CELF5: variants seen among roughly 807,000 people sequenced by gnomAD.
CELF5 encodes the protein CUGBP Elav-like family member 5, also known as CUG-BP and ETR-3 like factor 5.
In CELF5, 6 loss-of-function variants were observed where a neutral mutation model predicts 54.9. The observed-to-expected ratio is 0.11, with a 90% CI of 0.06 to 0.22. The LOEUF (loss-of-function observed/expected upper bound fraction) is 0.22, where lower values mean the gene tolerates loss of function less well. CELF5 is among the 10% of genes least tolerant of loss of function. The pLI is 1.00. For missense variants in CELF5, 401 were observed against 678.6 expected (o/e 0.59, Z 4.54); for synonymous variants, 271 against 290.9 (o/e 0.93, Z 0.70).
chr19:3,262,413 C>T (rs1480389618), intron 2 of CELF5, among the ~76,000 whole-genome samples: 4 of 152,236 alleles, frequency 2.6e-5, no homozygotes, highest in South Asian at 2.1e-4. Flanking sequence ...GCTACAATAT[C>T]GGACAGTGCA....
At chr19:3,255,284 A>C (rs2079708699) in intron 2 of CELF5, among the ~76,000 whole-genome samples, 1 of 152,166 alleles carries the variant, frequency 6.6e-6, no homozygotes, top group Non-Finnish European at 1.5e-5. Context: ...TCGCGGGTTC[A>C]AGTGATTCTC....
intron 2 of CELF5, among the ~76,000 whole-genome samples, chr19:3,260,134 T>C (rs1160459814): frequency 6.6e-6 from 1 of 152,232 alleles, no homozygotes; most frequent in Admixed American, 6.5e-5. Context: ...TTTTATTTAT[T>C]GAGACAGAGT....
intron 2 of CELF5, among the ~76,000 whole-genome samples, chr19:3,272,092 G>A (rs1049185287): frequency 2.6e-5 from 4 of 152,224 alleles, no homozygotes; most frequent in African/African-American, 9.6e-5. Context: ...ATTTGGCCGG[G>A]TGCAGGGGCT....
In CELF5 at chr19:3,281,329, G is replaced by A; in HGVS notation, c.734G>A (p.Ser245Asn). 6.2e-7 allele frequency: 1 copy of A among 1,608,980 alleles called. No individual in the cohort carries two copies. Among genetic ancestry groups the A allele is most frequent in the Non-Finnish European group, 8.5e-7 (1 of 1,179,068 alleles). Reference protein sequence around the residue: ...PSLTLPFSPYSAYAQALMQQQ... With the variant: ...PSLTLPFSPYNAYAQALMQQQ... ...CTCACATTGCCCTTCAGCCCCTACA[G>A]TGCCTACGCCCAGGCTGTGAGTGAC... Residue 245 changes from serine to asparagine, a missense_variant, in exon 6 of 13, where the codon AGT becomes AAT. Ser to Asn is a conservative substitution (Grantham distance 46, BLOSUM62 1). Coordinates refer to ENST00000292672, the MANE Select transcript of CELF5 (RefSeq NM_021938.4). The surrounding 1 kb of genome is among the most constrained non-coding windows in gnomAD (Gnocchi z 6.5).
intron 2 of CELF5, among the ~76,000 whole-genome samples, chr19:3,258,024 G>A (rs754704798): frequency 6.7e-6 from 1 of 150,330 alleles, no homozygotes; most frequent in Non-Finnish European, 1.5e-5. Context: ...GCAATGGCAC[G>A]ATCTGTGCTC....
intron 2 of CELF5, among the ~76,000 whole-genome samples, chr19:3,264,953 A>G (rs1173128512): frequency 6.6e-6 from 1 of 152,016 alleles, no homozygotes; most frequent in East Asian, 1.9e-4. Flanking sequence ...ACCTCAAGTG[A>G]TCTGCCTGCC....
chr19:3,241,218 C>T (rs1049222167), intron 1 of CELF5, among the ~76,000 whole-genome samples: 4 of 151,572 alleles, frequency 2.6e-5, no homozygotes, highest in Non-Finnish European at 4.4e-5. Context: ...CGAACCACCA[C>T]GCACAAGCCA....
At chr19:3,233,286 T>A (rs912631295) in intron 1 of CELF5, among the ~76,000 whole-genome samples, 8 of 152,142 alleles carry the variant, frequency 5.3e-5, no homozygotes, top group Middle Eastern at 3.4e-3. Context: ...AAACCCTGTC[T>A]CAAAATTCAA....
intron 2 of CELF5, among the ~76,000 whole-genome samples, chr19:3,271,821 G>A (rs2079970132): frequency 6.6e-6 from 1 of 152,080 alleles, no homozygotes; most frequent in Non-Finnish European, 1.5e-5. Flanking sequence ...TCTTAGAGAA[G>A]GTGTCAGATC....
intron 1 of CELF5, among the ~76,000 whole-genome samples, chr19:3,232,957 C>A (rs1199087383): frequency 1.3e-5 from 2 of 151,864 alleles, no homozygotes; most frequent in Non-Finnish European, 2.9e-5. Context: ...GTCTGTAATC[C>A]CAGCTACTCG....
rs192111564 is a variant in CELF5, at chr19:3,275,077, C to A, written c.395-779C>A. Among the ~76,000 whole-genome samples the A allele has an allele frequency of 8.1e-4, 124 of 152,270 alleles. No homozygotes were observed. The East Asian group carries it at 0.012, about 15-fold the overall frequency. The stretch of plus-strand genomic sequence containing the variant: ...TGCTGGTTTCTCTCTCTCCCTCCCA[C>A]CCCCATGAGTGACAGCTGCCGAGAG... On this transcript the variant is annotated intron_variant, in intron 3 of 12. Transcript: ENST00000292672. The surrounding 1 kb of genome is among the most constrained non-coding windows in gnomAD (Gnocchi z 6.7).
At position 3,275,856 on chromosome 19, in the gene CELF5, G is replaced by A. The variant is rs1385429519; in HGVS notation, c.395G>A (p.Arg132Lys). The A allele has an allele frequency of 6.2e-7, 1 of 1,607,758 alleles. No individual in the cohort carries two copies. Among genetic ancestry groups the A allele is most frequent in the Non-Finnish European group, 8.5e-7 (1 of 1,175,988 alleles). ...CTGAGGTGGGTGTCGCCGCCCACAG[G>A]GGACCGGAAGCTGTTCGTGGGGATG... ...KPADSESRGG[R>K]DRKLFVGMLN... The change falls in exon 4 of 13, where the codon AGG becomes AAG. Residue 132 changes from arginine (R) to lysine (K), a missense_variant and splice_region_variant. This residue lies in a region of CELF5 where 0 missense variants were observed against 24.6 expected (regional missense o/e 0.00). Transcript: ENST00000292672. This position sits in a 1 kb window ranked among gnomAD's most constrained non-coding sequence, Gnocchi z 6.7.
rs775001883 is a variant in CELF5, at chr19:3,281,843, C to T, written c.751-283C>T. Among the ~76,000 whole-genome samples the T allele has an allele frequency of 3.3e-5, 5 of 151,900 alleles. No individual in the cohort carries two copies. The highest frequency in any genetic ancestry group is 1.9e-4 in the East Asian group (1 of 5,182). ...TGAGCCTTAGTCCCAGGCTGAGCCT[C>T]GCTTTTCTAACTGAGCCCTGATCCT... On this transcript the variant is annotated intron_variant, in intron 6 of 12. Coordinates refer to ENST00000292672, the MANE Select transcript of CELF5 (RefSeq NM_021938.4). This position sits in a 1 kb window ranked among gnomAD's most constrained non-coding sequence, Gnocchi z 6.5.
chr19:3,237,877 G>C (rs1599393277), intron 1 of CELF5, among the ~76,000 whole-genome samples: 2 of 149,952 alleles, frequency 1.3e-5, no homozygotes, highest in African/African-American at 4.9e-5. Flanking sequence ...GTGAAACCCC[G>C]TCTCTACTAA....
rs904630639 is a variant in CELF5 at position 3,278,892 on chromosome 19, A to G, written c.603+782A>G. Among the ~76,000 whole-genome samples the G allele has an allele frequency of 6.6e-6, 1 of 152,106 alleles. No homozygotes were observed. Among genetic ancestry groups the G allele is most frequent in the African/African-American group, 2.4e-5 (1 of 41,404 alleles). Reference sequence around the variant, plus strand: ...CCAGGAGAGGCCCTGACAAAAAGAAAGGCTGGGAGGTGGCAACAGGTAGCC... The same window carrying G: ...CCAGGAGAGGCCCTGACAAAAAGAAGGGCTGGGAGGTGGCAACAGGTAGCC... On this transcript the variant is annotated intron_variant, in intron 5 of 12. Coordinates refer to ENST00000292672, the MANE Select transcript of CELF5 (RefSeq NM_021938.4). This position sits in a 1 kb window ranked among gnomAD's most constrained non-coding sequence, Gnocchi z 4.5.
chr19:3,253,033 A>G (rs2079672048), intron 2 of CELF5, among the ~76,000 whole-genome samples: 1 of 151,956 alleles, frequency 6.6e-6, no homozygotes, highest in Non-Finnish European at 1.5e-5. Context: ...AAATTCCCTG[A>G]ATTCACTGTT....
intron 2 of CELF5, among the ~76,000 whole-genome samples, chr19:3,269,576 G>A (rs754083475): frequency 2.6e-5 from 4 of 152,098 alleles, no homozygotes; most frequent in African/African-American, 7.2e-5. Context: ...TCCTGCAGTC[G>A]TTCCCATTCC....
chr19:3,256,286 C>T (rs2079724674), intron 2 of CELF5, among the ~76,000 whole-genome samples: 1 of 152,066 alleles, frequency 6.6e-6, no homozygotes, highest in Non-Finnish European at 1.5e-5. Flanking sequence ...CCTCCTTCTG[C>T]TCATCCCTGA....
At chr19:3,248,844 TTC>T (rs1232753237) in intron 1 of CELF5, among the ~76,000 whole-genome samples, 2 of 139,320 alleles carry the variant, frequency 1.4e-5, no homozygotes, top group Non-Finnish European at 3.2e-5. Context: ...ACAAACTTTT[TTC>T]TTTCTTTCTT....
Sources: gnomAD v4.1 joint callset for allele counts (sites outside exome capture counted in the v4.1 genomes callset) on GRCh38, gnomAD v4.1.1 for gene constraint, gnomAD v4.1.1 regional missense constraint, Gnocchi (gnomAD v3.1) non-coding constraint, MANE v1.5 for transcripts, NCBI Gene and HGNC (gene_info 2026-07-23, HGNC 2026-07-21) for gene names.